The following PDE7B variants were observed in gnomAD, a reference collection of about 807,000 sequenced individuals.
PDE7B encodes phosphodiesterase 7B, also known as 3',5'-cyclic-AMP phosphodiesterase 7B.
PDE7B carries 29 observed loss-of-function variants against 56.2 expected under a neutral mutation model. The ratio of observed to expected loss-of-function variants is 0.52; its 90% CI spans 0.38 to 0.70. The LOEUF is 0.70. PDE7B is among the 30% of genes least tolerant of loss of function. PDE7B has a pLI of 0.00. For missense variants in PDE7B, 490 were observed against 565.0 expected (o/e 0.87, Z 1.35); for synonymous variants, 197 against 196.9 (o/e 1.00, Z 0.00).
chr6:135,864,142 T>C (rs999009127), intron 1 of PDE7B, among the ~76,000 whole-genome samples: 6 of 152,150 alleles, frequency 3.9e-5, no homozygotes, highest in African/African-American at 1.4e-4. Context: ...GGTTACAGGA[T>C]GCATCTATGA....
At chr6:136,128,095 A>G (rs987484858) in intron 3 of PDE7B, among the ~76,000 whole-genome samples, 5 of 152,170 alleles carry the variant, frequency 3.3e-5, no homozygotes, top group African/African-American at 1.2e-4. Flanking sequence ...TCTCTAGGAC[A>G]CTGAAAATGT....
At chr6:135,881,223 C>G (rs1466916351) in intron 1 of PDE7B, among the ~76,000 whole-genome samples, 1 of 151,820 alleles carries the variant, frequency 6.6e-6, no homozygotes, top group East Asian at 1.9e-4. Flanking sequence ...AGGGGCCAGG[C>G]ACGGTGGCTC....
rs766364634 is a variant in PDE7B, at chr6:135,924,050, CAATT to C, written c.22-23412_22-23409del. 6.6e-5 allele frequency among the ~76,000 whole-genome samples: 10 copies of C among 152,030 alleles called. No homozygotes were observed. In the East Asian group the frequency reaches 1.3e-3, roughly 21 times the overall value. ...TGACAAATTTTTTTAAATGTAAAAA[CAATT>C]AGTGATAGGAAGGTGCACAGGCAAT... is the stretch of plus-strand genomic sequence containing the variant. On this transcript the variant is annotated intron_variant, in intron 1 of 12. Transcript: ENST00000308191.
At chr6:135,933,192 C>T (rs1015374403) in intron 1 of PDE7B, among the ~76,000 whole-genome samples, 4 of 152,190 alleles carry the variant, frequency 2.6e-5, no homozygotes, top group African/African-American at 9.6e-5. Flanking sequence ...AAACATAGTG[C>T]ACTACAAAGC....
chr6:136,098,232 A>G (rs370477796), intron 2 of PDE7B, among the ~76,000 whole-genome samples: 79 of 151,790 alleles, frequency 5.2e-4, no homozygotes, highest in African/African-American at 1.9e-3. Context: ...AAGAAAGGAA[A>G]GGAAGAAGAG....
At chr6:136,011,220 T>C (rs9376172) in intron 2 of PDE7B, among the ~76,000 whole-genome samples, 46,831 of 152,096 alleles carry the variant, frequency 0.31, 8,002 homozygotes, top group Admixed American at 0.43. Context: ...CCTTTCTTTA[T>C]AGCAGAGATC....
chr6:136,051,568 T>C (rs553321824), intron 2 of PDE7B, among the ~76,000 whole-genome samples: 2 of 152,348 alleles, frequency 1.3e-5, no homozygotes, highest in South Asian at 4.1e-4. Context: ...AGCTTCTAAA[T>C]TGGTCCCGTA....
chr6:136,081,467 G>T (rs928072156), intron 2 of PDE7B, among the ~76,000 whole-genome samples: 1 of 152,150 alleles, frequency 6.6e-6, no homozygotes, highest in African/African-American at 2.4e-5. Flanking sequence ...TTGGGGGGAT[G>T]GTGGTTATTA....
intron 1 of PDE7B, among the ~76,000 whole-genome samples, chr6:135,923,671 G>A (rs1435891956): frequency 6.6e-6 from 1 of 152,058 alleles, no homozygotes; most frequent in Non-Finnish European, 1.5e-5. Flanking sequence ...CACACAGAAG[G>A]AGTTTCAAGG....
chr6:135,980,212 T>C (rs1401699884), intron 2 of PDE7B, among the ~76,000 whole-genome samples: 1 of 152,184 alleles, frequency 6.6e-6, no homozygotes, highest in Non-Finnish European at 1.5e-5. Flanking sequence ...ATTTAATAAA[T>C]GGTGCTGGGA....
intron 8 of PDE7B, chr6:136,165,429 T>C (rs1778777367): frequency 6.6e-6 from 1 of 152,132 alleles, no homozygotes; most frequent in Non-Finnish European, 1.5e-5. Context: ...CATTAGCTCT[T>C]TCAGGATGAC....
chr6:136,179,189 A>T (rs944862457), intron 10 of PDE7B, 48 bp downstream of exon 10: 2 of 1,584,628 alleles, frequency 1.3e-6, no homozygotes, highest in African/African-American at 2.7e-5. Context: ...GAAAACACTC[A>T]GCTGGGCTGG....
intron 2 of PDE7B, among the ~76,000 whole-genome samples, chr6:136,048,723 G>T (rs1776565659): frequency 1.3e-5 from 2 of 152,134 alleles, no homozygotes; most frequent in Admixed American, 1.3e-4. Context: ...AACAGTGGCT[G>T]GTGAAGAGGT....
intron 2 of PDE7B, among the ~76,000 whole-genome samples, chr6:136,074,700 T>G (rs575194080): frequency 6.6e-6 from 1 of 152,326 alleles, no homozygotes; most frequent in African/African-American, 2.4e-5. Flanking sequence ...GTGCCTAGCT[T>G]ACTTCATTTA....
At chr6:136,007,104 A>T (rs1775798489) in intron 2 of PDE7B, among the ~76,000 whole-genome samples, 1 of 152,214 alleles carries the variant, frequency 6.6e-6, no homozygotes, top group African/African-American at 2.4e-5. Context: ...GTTTATTGGG[A>T]GTTTTTAACA....
chr6:135,986,209 A>G (rs988553426), intron 2 of PDE7B, among the ~76,000 whole-genome samples: 1 of 152,194 alleles, frequency 6.6e-6, no homozygotes, highest in African/African-American at 2.4e-5. Flanking sequence ...AGATGCATTG[A>G]CTTGTTTACC....
chr6:135,995,199 A>AC (rs561858303), intron 2 of PDE7B, among the ~76,000 whole-genome samples: 165 of 139,074 alleles, frequency 1.2e-3, no homozygotes, highest in African/African-American at 4.1e-3. Flanking sequence ...CCAAACCTTA[A>AC]CCCTCCCCCG....
At chr6:135,869,274 T>C (rs1366515462) in intron 1 of PDE7B, among the ~76,000 whole-genome samples, 1 of 152,150 alleles carries the variant, frequency 6.6e-6, no homozygotes, top group Non-Finnish European at 1.5e-5. Context: ...TTAGTATAAA[T>C]ATATACATAT....
chr6:136,174,021 G>T lies in PDE7B; in HGVS notation c.803+133G>T, dbSNP rs1778936909. The T allele has an allele frequency of 6.1e-6, 4 of 654,870 alleles. No individual in the cohort carries two copies. In the East Asian group the frequency reaches 1.1e-4, roughly 18 times the overall value. The allele number at this position is 654,870 out of a possible 1,614,324, so 40.6% of individuals were successfully genotyped here. On this transcript the variant is annotated intron_variant, in intron 9 of 12. Coordinates refer to ENST00000308191, the MANE Select transcript of PDE7B (RefSeq NM_018945.4). ...CTGTACTTCCTGCCTGCACTGAGCT[G>T]TCTATCAGAGGAGATTTGGTGTCAG...
Sources: gnomAD v4.1 joint callset for allele counts (sites outside exome capture counted in the v4.1 genomes callset) on GRCh38, gnomAD v4.1.1 for gene constraint, MANE v1.5 for transcripts, NCBI Gene and HGNC (gene_info 2026-07-23, HGNC 2026-07-21) for gene names.